The following ATP2C2 variants were observed in gnomAD, a reference collection of about 807,000 sequenced individuals.
ATP2C2 encodes the protein calcium-transporting ATPase type 2C member 2.
In ATP2C2, 171 loss-of-function variants were observed where a neutral mutation model predicts 110.8. The observed-to-expected ratio is 1.54, with a 90% CI of 1.36 to 1.75. The LOEUF is 1.75. ATP2C2 is among the 40% of genes most tolerant of loss of function. The pLI is 0.00. For synonymous variants in ATP2C2, 804 were observed against 508.4 expected, an observed-to-expected ratio of 1.58 and a Z score of -7.82; for missense variants, 1,963 against 1,235.0, an observed-to-expected ratio of 1.59 and a Z score of -8.84.
In ATP2C2 at chr16:84,463,684, A is replaced by G. The variant is rs768216993; in HGVS notation, c.2793A>G (p.Lys931=). Residue 931 remains lysine (K), a synonymous_variant, in exon 27 of 27, where the codon AAA becomes AAG. Transcript: ENST00000262429. ...CAGAGCTCCTCAAACTATGTGAAAA[A>G]TACTGTTGCAGCCCCAAGAGAGTCC... The part of the protein sequence containing the change: ...ILSELLKLCE[K]YCCSPKRVQM... 3 of 1,614,194 alleles carry G rather than the reference A, an allele frequency of 1.9e-6. No homozygotes were observed. Among genetic ancestry groups the G allele is most frequent in the South Asian group, 1.1e-5 (1 of 91,090 alleles).
At position 84,375,846 on chromosome 16, in the gene ATP2C2, T is replaced by C. The variant is rs535409125; in HGVS notation, c.99+7132T>C. Among the ~76,000 whole-genome samples the C allele has an allele frequency of 4.6e-5, 7 of 151,804 alleles. No homozygotes were observed. The East Asian group carries it at 7.7e-4, about 17-fold the overall frequency. ...TTCCAGCCACAAATATGGTTTAATTTTGTAGACAGAAAAAAAGGAGATGTG... is the reference window on the plus strand; with the variant it reads ...TTCCAGCCACAAATATGGTTTAATTCTGTAGACAGAAAAAAAGGAGATGTG... On this transcript the variant is annotated intron_variant, in intron 1 of 26. Transcript: ENST00000262429.
chr16:84,404,660 T>A (rs570295355), intron 2 of ATP2C2: 20 of 327,512 alleles, frequency 6.1e-5, no homozygotes, highest in African/African-American at 4.3e-4. Flanking sequence ...CGAACATGGT[T>A]GTACAAACAT....
Position 84,368,583 on chromosome 16 carries a change from T to A in ATP2C2, c.-33T>A. 2.0e-6 allele frequency: 3 copies of A among 1,505,652 alleles called. No individual in the cohort carries two copies. Among genetic ancestry groups the A allele is most frequent in the Non-Finnish European group, 2.7e-6 (3 of 1,112,258 alleles). 93.3% of individuals were successfully genotyped at this position (1,505,652 alleles called of 1,614,324 possible). On this transcript the variant is annotated 5_prime_UTR_variant, in exon 1 of 27. Transcript: ENST00000262429. ...GCCATCCCGGGCCTCGCCGGGGACC[T>A]AGGGACGCAGGCAACGCCTGCGCCC...
chr16:84,368,678 G>C lies in ATP2C2; in HGVS notation c.63G>C (p.Gln21His). The C allele has an allele frequency of 1.3e-6, 2 of 1,558,372 alleles. No homozygotes were observed. Among genetic ancestry groups the C allele is most frequent in the Admixed American group, 1.9e-5 (1 of 52,422 alleles). Residue 21 changes from glutamine to histidine, a missense_variant, in exon 1 of 27, where the codon CAG becomes CAC. By Grantham distance (24) the Gln-to-His change is conservative (BLOSUM62 0). Transcript: ENST00000262429. ...TCGGCTTCTCGGGCGGGGGCCGCCA[G>C]TACCAGGCGCTGGAGAAGGACGAAG... The part of the protein sequence containing the change: ...KKLGFSGGGR[Q>H]YQALEKDEEE...
rs112310182 is a variant in ATP2C2 at position 84,385,866 on chromosome 16, C to G, written c.100-12633C>G. On this transcript the variant is annotated intron_variant, in intron 1 of 26. Coordinates refer to ENST00000262429, the MANE Select transcript of ATP2C2 (RefSeq NM_014861.4). ...TCCCTTCCCCAACATGCGGGGATTA[C>G]ACTTCAGATTACAATTCCAAATGAG... 1.7e-3 allele frequency among the ~76,000 whole-genome samples: 258 copies of G among 152,362 alleles called. 1 individual carries two copies. The highest frequency in any genetic ancestry group is 5.8e-3 in the African/African-American group (242 of 41,582).
intron 24 of ATP2C2, 68 bp downstream of exon 24, chr16:84,460,869 C>A: frequency 6.6e-7 from 1 of 1,510,160 alleles, no homozygotes; most frequent in Non-Finnish European, 8.9e-7. Flanking sequence ...GACTGCAGTC[C>A]CTGCCCTCCT....
chr16:84,409,659 A>G (rs1906097034), intron 4 of ATP2C2, among the ~76,000 whole-genome samples: 1 of 151,956 alleles, frequency 6.6e-6, no homozygotes, highest in African/African-American at 2.4e-5. Context: ...CTCCTGGTTA[A>G]TTTTTGCTAA....
intron 17 of ATP2C2, among the ~76,000 whole-genome samples, chr16:84,451,541 G>C (rs772480713): frequency 5.6e-4 from 86 of 152,248 alleles, no homozygotes; most frequent in Non-Finnish European, 1.0e-3. Context: ...CCATGGTGGG[G>C]GCTGGCTAAC....
At position 84,462,099 on chromosome 16, in the gene ATP2C2, G is replaced by T; in HGVS notation, c.2692G>T (p.Val898Phe). The part of the protein sequence containing the change: ...AVIYIPPLQR[V>F]FQTENLGALD... ...CATTTACATCCCCCCGCTGCAGAGGGTCTTCCAGACGGAGAACCTGGGAGC... is the reference window on the plus strand; with the variant it reads ...CATTTACATCCCCCCGCTGCAGAGGTTCTTCCAGACGGAGAACCTGGGAGC... Residue 898 changes from valine to phenylalanine, a missense_variant, in exon 26 of 27, where the codon GTC becomes TTC. Transcript: ENST00000262429. 1.2e-6 allele frequency: 2 copies of T among 1,613,982 alleles called. No individual in the cohort carries two copies. The highest frequency in any genetic ancestry group is 1.7e-4 in the Middle Eastern group (1 of 6,056).
intron 1 of ATP2C2, among the ~76,000 whole-genome samples, chr16:84,381,277 T>C (rs142815756): frequency 7.0e-4 from 107 of 152,294 alleles, no homozygotes; most frequent in African/African-American, 1.3e-3. Flanking sequence ...TGGTGGAGTG[T>C]CATCAGTTAA....
At chr16:84,453,393 C>G (rs556084410) in intron 20 of ATP2C2, 22 bp downstream of exon 20, 1 of 1,613,984 alleles carries the variant, frequency 6.2e-7, no homozygotes, top group South Asian at 1.1e-5. Flanking sequence ...AAGGCAGGCA[C>G]AGGCTGCGCT....
At chr16:84,404,059 G>A (rs1384329549) in intron 2 of ATP2C2, among the ~76,000 whole-genome samples, 1 of 152,206 alleles carries the variant, frequency 6.6e-6, no homozygotes, top group East Asian at 1.9e-4. Flanking sequence ...AAGGGGCGCA[G>A]GGCTTCCATG....
intron 15 of ATP2C2, among the ~76,000 whole-genome samples, chr16:84,445,261 T>G (rs1447820819): frequency 4.0e-5 from 6 of 149,516 alleles, no homozygotes; most frequent in Non-Finnish European, 8.9e-5. Context: ...CAGGCTGGAG[T>G]GCACTGGCTT....
At chr16:84,439,130 T>C (rs759581070) in intron 11 of ATP2C2, 36 bp from the exon 12 acceptor site, 19 of 1,610,730 alleles carry the variant, frequency 1.2e-5, no homozygotes, top group Non-Finnish European at 1.6e-5. Context: ...ACTCCTTAAA[T>C]GTGTTAGAGG....
chr16:84,462,251 C>T (rs538699500), intron 26 of ATP2C2, 122 bp downstream of exon 26: 51 of 1,335,776 alleles, frequency 3.8e-5, no homozygotes, highest in Non-Finnish European at 4.7e-5. Context: ...CACCAGGGGC[C>T]GGCTCTGTCT....
intron 18 of ATP2C2, 131 bp from the exon 19 acceptor site, chr16:84,453,007 A>C (rs1910435584): frequency 1.1e-6 from 1 of 870,762 alleles, no homozygotes; most frequent in Non-Finnish European, 1.8e-6. Flanking sequence ...GCCGTGCAGC[A>C]TGGTAGGTCC....
chr16:84,421,148 A>G (rs903543859), intron 7 of ATP2C2, among the ~76,000 whole-genome samples: 1 of 152,098 alleles, frequency 6.6e-6, no homozygotes, highest in Admixed American at 6.6e-5. Context: ...TATTTTCCAG[A>G]ATGTTCTTTG....
chr16:84,461,958 A>C, intron 25 of ATP2C2, 30 bp from the exon 26 acceptor site: 1 of 1,610,594 alleles, frequency 6.2e-7, no homozygotes, highest in Non-Finnish European at 8.5e-7. Context: ...TGGACAGCAC[A>C]CAATCCCCCG....
At chr16:84,422,984 C>G (rs1567713464) in intron 9 of ATP2C2, among the ~76,000 whole-genome samples, 1 of 152,182 alleles carries the variant, frequency 6.6e-6, no homozygotes, top group East Asian at 1.9e-4. Flanking sequence ...ACACGTAAGA[C>G]ATTTGTTAGC....
Sources: allele counts gnomAD v4.1 joint callset (sites outside exome capture counted in the v4.1 genomes callset), GRCh38; gene constraint gnomAD v4.1.1; transcripts MANE v1.5; gene names NCBI Gene and HGNC (gene_info 2026-07-23, HGNC 2026-07-21).